Variants in TPD52 observed in about 807,000 individuals in gnomAD.
The protein encoded by TPD52 is prostate and colon associated protein.
TPD52 carries 17 observed loss-of-function variants against 31.3 expected under a neutral mutation model. The ratio of observed to expected loss-of-function variants is 0.54; its 90% CI spans 0.37 to 0.82. The LOEUF (loss-of-function observed/expected upper bound fraction) is 0.82, where lower values mean the gene tolerates loss of function less well. Ranked by LOEUF, TPD52 falls within the 40% of genes least tolerant of loss-of-function variation. The pLI, the probability that TPD52 is intolerant of heterozygous loss-of-function variation, is 0.00. For synonymous variants in TPD52, 83 were observed against 89.6 expected, an observed-to-expected ratio of 0.93 and a Z score of 0.42; for missense variants, 212 against 240.1, an observed-to-expected ratio of 0.88 and a Z score of 0.77.
intron 1 of TPD52, among the ~76,000 whole-genome samples, chr8:80,143,259 C>G (rs1016209582): frequency 6.6e-6 from 1 of 152,274 alleles, no homozygotes; most frequent in East Asian, 1.9e-4. Context: ...CTCTCTGGAG[C>G]CAGGCTTCGA....
In TPD52 at chr8:80,142,948, G is replaced by C. The variant is rs78875011; in HGVS notation, c.19+28477C>G. Among the ~76,000 whole-genome samples, 236 of 152,336 alleles carry C rather than the reference G, an allele frequency of 1.5e-3. 1 individual carries two copies. The highest frequency in any genetic ancestry group is 5.5e-3 in the African/African-American group (227 of 41,572). On this transcript the variant is annotated intron_variant, in intron 1 of 7. Coordinates refer to ENST00000518937, the MANE Select transcript of TPD52 (RefSeq NM_001025253.3). ...CACACTCAGGGGAAGTGAGGTAAAA[G>C]TAGGTAGTTCACCAATCAACAGAGC...
At position 80,087,056 on chromosome 8, in the gene TPD52, G is replaced by C. The variant is rs1815861933; in HGVS notation, c.20-22463C>G. 2.6e-5 allele frequency among the ~76,000 whole-genome samples: 4 copies of C among 152,156 alleles called. No homozygotes were observed. In the South Asian group the frequency reaches 8.3e-4, roughly 32 times the overall value. On this transcript the variant is annotated intron_variant, in intron 1 of 7. Transcript: ENST00000518937. ...GAAAATAAGAGTATGCATGTGTACAGACATCCACACACAGAGAGACTGGTC... is the reference window on the plus strand; with the variant it reads ...GAAAATAAGAGTATGCATGTGTACACACATCCACACACAGAGAGACTGGTC...
intron 1 of TPD52, among the ~76,000 whole-genome samples, chr8:80,080,104 C>G (rs1039005486): frequency 2.6e-4 from 40 of 152,198 alleles, no homozygotes; most frequent in African/African-American, 8.9e-4. Context: ...ATAGTACTAA[C>G]TTTAAAATCT....
At chr8:80,111,167 T>C (rs1807473067) in intron 1 of TPD52, among the ~76,000 whole-genome samples, 1 of 152,212 alleles carries the variant, frequency 6.6e-6, no homozygotes, top group Non-Finnish European at 1.5e-5. Context: ...AGCTACGATA[T>C]CATCACTGTA....
At chr8:80,080,773 G>A in intron 1 of TPD52, 1 of 1,042,942 alleles carries the variant, frequency 9.6e-7, no homozygotes, top group African/African-American at 1.7e-5. Flanking sequence ...AACAAAGAAG[G>A]GCAGGGTTCT....
rs1029782332 is a variant in TPD52, at chr8:80,159,717, T to A, written c.19+11708A>T. Among the ~76,000 whole-genome samples the A allele has an allele frequency of 5.9e-5, 9 of 152,252 alleles. No homozygotes were observed. In the East Asian group the frequency reaches 1.7e-3, roughly 29 times the overall value. ...GACATACAGAAAACAATAAATGTTG[T>A]TGCTGGTAACCACAGTAGTTGTATT... is the stretch of plus-strand genomic sequence containing the variant. On this transcript the variant is annotated intron_variant, in intron 1 of 7. Transcript: ENST00000518937.
intron 1 of TPD52, among the ~76,000 whole-genome samples, chr8:80,099,982 G>A (rs899469742): frequency 4.6e-5 from 7 of 152,190 alleles, no homozygotes; most frequent in African/African-American, 1.7e-4. Context: ...AACAAATACT[G>A]GCAGCCCTAG....
chr8:80,040,025 C>A (rs1810223294), intron 7 of TPD52, among the ~76,000 whole-genome samples: 1 of 152,088 alleles, frequency 6.6e-6, no homozygotes, highest in East Asian at 1.9e-4. Context: ...TTGACTGGCA[C>A]ATGGCAAATG....
chr8:80,143,156 AAG>A lies in TPD52; in HGVS notation c.19+28267_19+28268del, dbSNP rs1486259832. Among the ~76,000 whole-genome samples, 14 of 152,330 alleles carry A rather than the reference AAG, an allele frequency of 9.2e-5. No homozygotes were observed. In the South Asian group the frequency reaches 1.2e-3, roughly 14 times the overall value. ...CATCTGAAAATTACTACAAATTATT[AAG>A]GCAACTGCTGAAAAGATGAAATATG... On this transcript the variant is annotated intron_variant, in intron 1 of 7. Coordinates refer to ENST00000518937, the MANE Select transcript of TPD52 (RefSeq NM_001025253.3).
chr8:80,110,132 T>G (rs1270578215), intron 1 of TPD52, among the ~76,000 whole-genome samples: 2 of 152,210 alleles, frequency 1.3e-5, no homozygotes, highest in East Asian at 1.9e-4. Flanking sequence ...GAGACCGAAT[T>G]TATGATTTGT....
intron 1 of TPD52, chr8:80,080,852 T>C (rs953949896): frequency 1.6e-6 from 1 of 643,796 alleles, no homozygotes; most frequent in Non-Finnish European, 1.9e-6. Flanking sequence ...AACAAGAAAC[T>C]ACAATTTATT....
At chr8:80,150,643 G>T (rs1215860431) in intron 1 of TPD52, among the ~76,000 whole-genome samples, 1 of 152,232 alleles carries the variant, frequency 6.6e-6, no homozygotes, top group Non-Finnish European at 1.5e-5. Flanking sequence ...GAGACATGGA[G>T]ATCATTTTGT....
At chr8:80,040,239 G>A (rs1167490637) in intron 7 of TPD52, among the ~76,000 whole-genome samples, 1 of 128,688 alleles carries the variant, frequency 7.8e-6, no homozygotes, top group East Asian at 2.3e-4. Flanking sequence ...CTGTCACCCA[G>A]GCTGGAGTGC....
intron 2 of TPD52, among the ~76,000 whole-genome samples, chr8:80,053,847 T>C (rs1051864171): frequency 6.6e-6 from 1 of 152,196 alleles, no homozygotes; most frequent in Non-Finnish European, 1.5e-5. Flanking sequence ...ATTTGTATAC[T>C]AAATCAAAAT....
At chr8:80,067,359 T>C (rs763180187) in intron 1 of TPD52, 2 of 151,836 alleles carry the variant, frequency 1.3e-5, no homozygotes, top group Non-Finnish European at 2.9e-5. Context: ...AGGTGCAGTC[T>C]GGAAAAAAAA....
chr8:80,032,288 G>T (rs1036186030), downstream of TPD52, among the ~76,000 whole-genome samples: 1 of 152,170 alleles, frequency 6.6e-6, no homozygotes, highest in African/African-American at 2.4e-5. Context: ...TCAATAGGGG[G>T]ATGTCCGCAT....
At chr8:80,138,565 A>G (rs1222513422) in intron 1 of TPD52, among the ~76,000 whole-genome samples, 1 of 152,202 alleles carries the variant, frequency 6.6e-6, no homozygotes, top group African/African-American at 2.4e-5. Flanking sequence ...GAGCTTTATC[A>G]AAAAGAAAAA....
intron 1 of TPD52, among the ~76,000 whole-genome samples, chr8:80,071,655 T>A (rs72686012): frequency 0.018 from 2,699 of 152,216 alleles, 32 homozygotes; most frequent in Middle Eastern, 0.034. Context: ...CATGGCTCCA[T>A]CTCACTCTCT....
At chr8:80,138,319 G>C (rs1258422272) in intron 1 of TPD52, among the ~76,000 whole-genome samples, 4 of 152,290 alleles carry the variant, frequency 2.6e-5, no homozygotes, top group Non-Finnish European at 4.4e-5. Context: ...AAGAGGCCAA[G>C]TGACAGAATC....
Sources: allele counts gnomAD v4.1 joint callset (sites outside exome capture counted in the v4.1 genomes callset), GRCh38; gene constraint gnomAD v4.1.1; transcripts MANE v1.5; gene names NCBI Gene and HGNC (gene_info 2026-07-23, HGNC 2026-07-21).